Variants in PDE9A observed in about 807,000 individuals in gnomAD.
PDE9A encodes the protein phosphodiesterase 9A.
Under a neutral mutation model 87.4 loss-of-function variants are expected in PDE9A, and 60 were observed. That is an observed-to-expected ratio of 0.69 (90% CI 0.56 to 0.85). PDE9A has a LOEUF of 0.85. PDE9A is among the 40% of genes least tolerant of loss of function. PDE9A has a pLI of 0.00. For synonymous variants in PDE9A, 272 were observed against 279.4 expected, an observed-to-expected ratio of 0.97 and a Z score of 0.27; for missense variants, 665 against 779.0, an observed-to-expected ratio of 0.85 and a Z score of 1.74.
At chr21:42,685,553 G>A (rs1463727083) in intron 1 of PDE9A, among the ~76,000 whole-genome samples, 1 of 142,676 alleles carries the variant, frequency 7.0e-6, no homozygotes, top group African/African-American at 2.7e-5. Context: ...TGCAACCTCC[G>A]TCTCCCTGGC....
intron 4 of PDE9A, among the ~76,000 whole-genome samples, chr21:42,721,759 C>G (rs1344273397): frequency 6.6e-6 from 1 of 152,002 alleles, no homozygotes; most frequent in African/African-American, 2.4e-5. Context: ...GACAGGGAAG[C>G]CTTCCAGCCC....
At position 42,733,426 on chromosome 21, in the gene PDE9A, T is replaced by C. The variant is rs2052046869; in HGVS notation, c.568T>C (p.Leu190=). The change falls in exon 7 of 20, where the codon TTG becomes CTG. Residue 190 remains leucine (L), a splice_region_variant and synonymous_variant. Transcript: ENST00000291539. ...HLAVLEKRVE[L]EGLKVVEIEK... ...GGCTGTCCTAGAGAAACGCGTGGAA[T>C]GTGAGTGACGTTTCTGTTTCCTTTT... 1 of 1,575,782 alleles carries C rather than the reference T, an allele frequency of 6.3e-7. No homozygotes were observed.
intron 1 of PDE9A, among the ~76,000 whole-genome samples, chr21:42,657,251 G>T (rs1323622881): frequency 6.6e-6 from 1 of 152,210 alleles, no homozygotes; most frequent in African/African-American, 2.4e-5. Flanking sequence ...GCCTGTTCCC[G>T]TCATCTGTTC....
chr21:42,673,116 G>T (rs567799554), intron 1 of PDE9A, among the ~76,000 whole-genome samples: 11 of 152,182 alleles, frequency 7.2e-5, no homozygotes, highest in Non-Finnish European at 1.6e-4. Context: ...TAACATTCCT[G>T]TGGGCGAGGT....
intron 4 of PDE9A, among the ~76,000 whole-genome samples, chr21:42,719,809 TTGC>T (rs1450212260): frequency 6.6e-6 from 1 of 152,236 alleles, no homozygotes; most frequent in Non-Finnish European, 1.5e-5. Flanking sequence ...GCTACAAATG[TTGC>T]TGCTGTGTAC....
chr21:42,685,162 C>A (rs1477797995), intron 1 of PDE9A, among the ~76,000 whole-genome samples: 2 of 152,226 alleles, frequency 1.3e-5, no homozygotes, highest in African/African-American at 2.4e-5. Flanking sequence ...GCCCGTTCCG[C>A]GCTCTGTCCA....
intron 1 of PDE9A, among the ~76,000 whole-genome samples, chr21:42,677,501 CTGTCTT>C (rs2058916301): frequency 6.6e-6 from 1 of 152,244 alleles, no homozygotes; most frequent in African/African-American, 2.4e-5. Flanking sequence ...AGAGAGGGCG[CTGTCTT>C]AGGGAGGCAC....
rs1481050034 is a variant in PDE9A, at chr21:42,660,385, A to G, written c.69+6502A>G. ...CGGCTCGCAGAGAAGGCAGTTTGCGAGTCAGTGCCTGGCTTGTGGAGGTTG... is the reference window on the plus strand; with the variant it reads ...CGGCTCGCAGAGAAGGCAGTTTGCGGGTCAGTGCCTGGCTTGTGGAGGTTG... On this transcript the variant is annotated intron_variant, in intron 1 of 19. Coordinates refer to ENST00000291539, the MANE Select transcript of PDE9A (RefSeq NM_002606.3). The surrounding 1 kb of genome is among the most constrained non-coding windows in gnomAD (Gnocchi z 4.7). 6.6e-6 allele frequency among the ~76,000 whole-genome samples: 1 copy of G among 152,144 alleles called. No homozygotes were observed. The highest frequency in any genetic ancestry group is 1.5e-5 in the Non-Finnish European group (1 of 68,016).
At chr21:42,671,862 A>G (rs891343477) in intron 1 of PDE9A, among the ~76,000 whole-genome samples, 1 of 152,212 alleles carries the variant, frequency 6.6e-6, no homozygotes, top group African/African-American at 2.4e-5. Context: ...TCAAAGATAG[A>G]AATGTGTGAA....
chr21:42,734,098 A>C (rs1323762864), intron 7 of PDE9A: 1 of 151,998 alleles, frequency 6.6e-6, no homozygotes. Flanking sequence ...AGATGCCGGC[A>C]CCAGGCTTCC....
Position 42,687,963 on chromosome 21 carries a change from A to T in PDE9A, c.187A>T (p.Ile63Phe). ...LLTTDDAMVSIDPTMPANSER... is the reference protein window; with the variant it reads ...LLTTDDAMVSFDPTMPANSER... ...GACCACCGACGACGCCATGGTCTCC[A>T]TCGACCCCACCATGCCCGCGAATTC... Residue 63 changes from isoleucine to phenylalanine, a missense_variant, in exon 3 of 20, where the codon ATC (isoleucine) becomes TTC (phenylalanine). Physicochemically the swap from Ile to Phe is conservative, Grantham distance 21. Coordinates refer to ENST00000291539, the MANE Select transcript of PDE9A (RefSeq NM_002606.3). 1 of 1,613,172 alleles carries T rather than the reference A, an allele frequency of 6.2e-7. No individual in the cohort carries two copies. The highest frequency in any genetic ancestry group is 1.1e-5 in the South Asian group (1 of 91,076).
intron 1 of PDE9A, among the ~76,000 whole-genome samples, chr21:42,685,592 G>A (rs1250616213): frequency 2.0e-5 from 3 of 150,222 alleles, no homozygotes; most frequent in Admixed American, 1.3e-4. Context: ...TCAGCCTCCC[G>A]AGTAGCTGGG....
chr21:42,746,132 G>A (rs565751661), intron 8 of PDE9A, among the ~76,000 whole-genome samples: 2 of 152,320 alleles, frequency 1.3e-5, no homozygotes, highest in South Asian at 4.1e-4. Flanking sequence ...TGCCTCTGCC[G>A]TGCCTGATGG....
At chr21:42,746,244 G>T (rs1010676871) in intron 8 of PDE9A, among the ~76,000 whole-genome samples, 1 of 152,194 alleles carries the variant, frequency 6.6e-6, no homozygotes. Flanking sequence ...GAGGTTGCAG[G>T]GGGGAAGATT....
chr21:42,764,983 G>GTGGGTGGATGGA (rs1555953799), intron 14 of PDE9A, among the ~76,000 whole-genome samples: 3 of 118,358 alleles, frequency 2.5e-5, no homozygotes, highest in Admixed American at 7.8e-5. Context: ...GGGTGGGTGG[G>GTGGGTGGATGGA]TGGATGGATG....
chr21:42,655,110 A>T (rs1052766298), intron 1 of PDE9A, among the ~76,000 whole-genome samples: 1 of 152,168 alleles, frequency 6.6e-6, no homozygotes, highest in African/African-American at 2.4e-5. Flanking sequence ...ACACTCACAC[A>T]CACACACACA....
chr21:42,729,527 TC>T (rs1023506743), intron 4 of PDE9A, among the ~76,000 whole-genome samples: 10 of 152,200 alleles, frequency 6.6e-5, no homozygotes, highest in African/African-American at 1.4e-4. Flanking sequence ...CCTCCTTCCT[TC>T]CTTTGCTATC....
At chr21:42,700,307 G>T (rs2048279194) in intron 4 of PDE9A, among the ~76,000 whole-genome samples, 1 of 151,142 alleles carries the variant, frequency 6.6e-6, no homozygotes, top group African/African-American at 2.5e-5. Context: ...GAATAAGGCT[G>T]CTGTGAGCAT....
At chr21:42,717,900 G>GGGGTTTTTGTTT (rs61523493) in intron 4 of PDE9A, among the ~76,000 whole-genome samples, 2 of 150,790 alleles carry the variant, frequency 1.3e-5, no homozygotes, top group Admixed American at 1.3e-4. Flanking sequence ...CTTTCTTTGG[G>GGGGTTTTTGTTT]GTTTGTTTGT....
Sources: gnomAD v4.1 joint callset for allele counts (sites outside exome capture counted in the v4.1 genomes callset) on GRCh38, gnomAD v4.1.1 for gene constraint, Gnocchi (gnomAD v3.1) non-coding constraint, MANE v1.5 for transcripts, NCBI Gene and HGNC (gene_info 2026-07-23, HGNC 2026-07-21) for gene names.